Variants in LINGO2 observed in about 807,000 individuals in gnomAD.
The protein encoded by LINGO2 is leucine rich repeat and Ig domain containing 2.
A neutral mutation model predicts 30.6 loss-of-function variants in LINGO2; 14 were observed. That is an observed-to-expected ratio of 0.46 (90% CI 0.30 to 0.72). LINGO2 has a LOEUF of 0.72. Ranked by LOEUF, LINGO2 falls within the 30% of genes least tolerant of loss-of-function variation. The pLI is 0.07. For missense variants in LINGO2, 729 were observed against 751.7 expected (o/e 0.97, Z 0.35); for synonymous variants, 317 against 288.5 (o/e 1.10, Z -1.00).
chr9:28,754,472 T>C, the LINGO2 span, among the ~76,000 whole-genome samples: 19 of 152,170 alleles, frequency 1.2e-4, no homozygotes, highest in South Asian at 3.9e-3. Context: ...ATTTCTGAAG[T>C]CTCATTCAAA....
the LINGO2 span, among the ~76,000 whole-genome samples, chr9:29,205,555 GTTGGTCTCA>G: frequency 6.6e-6 from 1 of 152,000 alleles, no homozygotes; most frequent in Admixed American, 6.6e-5. Flanking sequence ...TAACTTTTAT[GTTGGTCTCA>G]TAGTTGGAAA....
the LINGO2 span, among the ~76,000 whole-genome samples, chr9:29,193,647 T>G: frequency 6.6e-6 from 1 of 152,220 alleles, no homozygotes; most frequent in African/African-American, 2.4e-5. Context: ...GGCTGGGGAC[T>G]GGGTAAGATT....
chr9:29,033,346 T>C, the LINGO2 span, among the ~76,000 whole-genome samples: 1 of 148,418 alleles, frequency 6.7e-6, no homozygotes, highest in Non-Finnish European at 1.5e-5. Flanking sequence ...GGATTGTTAT[T>C]CAAATGTGTG....
intron 1 of LINGO2, among the ~76,000 whole-genome samples, chr9:28,505,502 A>C (rs943716887): frequency 6.6e-6 from 1 of 151,966 alleles, no homozygotes; most frequent in Non-Finnish European, 1.5e-5. Flanking sequence ...TTTGTGACCG[A>C]TGATACATTG....
the LINGO2 span, among the ~76,000 whole-genome samples, chr9:29,072,633 A>G: frequency 6.7e-6 from 1 of 149,904 alleles, no homozygotes; most frequent in African/African-American, 2.4e-5. Context: ...ATATATATCA[A>G]GAGTCCTAAA....
intron 1 of LINGO2, among the ~76,000 whole-genome samples, chr9:28,487,794 T>A (rs924940293): frequency 6.6e-6 from 1 of 152,172 alleles, no homozygotes; most frequent in Non-Finnish European, 1.5e-5. Flanking sequence ...CTGCAGCCAT[T>A]AACCGAAACT....
chr9:28,111,789 T>C (rs576372962), intron 4 of LINGO2, among the ~76,000 whole-genome samples: 1 of 152,156 alleles, frequency 6.6e-6, no homozygotes, highest in African/African-American at 2.4e-5. Context: ...AACAGAGATA[T>C]ACAAGGGCTT....
intron 2 of LINGO2, among the ~76,000 whole-genome samples, chr9:28,389,201 A>C (rs1821724893): frequency 6.6e-6 from 1 of 152,172 alleles, no homozygotes; most frequent in Admixed American, 6.5e-5. Flanking sequence ...TCTAATAATA[A>C]AAATATTGAA....
chr9:27,956,284 T>A (rs1819566820), intron 5 of LINGO2, among the ~76,000 whole-genome samples: 1 of 152,186 alleles, frequency 6.6e-6, no homozygotes, highest in East Asian at 1.9e-4. Flanking sequence ...GACTATATTA[T>A]CTCTTTGCAT....
the LINGO2 span, among the ~76,000 whole-genome samples, chr9:29,153,805 A>C: frequency 6.6e-6 from 1 of 152,334 alleles, no homozygotes; most frequent in Admixed American, 6.5e-5. Flanking sequence ...TGCAAAAATA[A>C]AATAATCCAA....
the LINGO2 span, among the ~76,000 whole-genome samples, chr9:29,096,577 T>C: frequency 1.4e-5 from 2 of 140,564 alleles, 1 homozygote; most frequent in Admixed American, 1.4e-4. Context: ...TGAGCCACCA[T>C]GGCCAGCCTC....
chr9:29,126,640 G>A, the LINGO2 span, among the ~76,000 whole-genome samples: 36,538 of 151,824 alleles, frequency 0.24, 4,537 homozygotes, highest in East Asian at 0.41. Flanking sequence ...GATTTATGTA[G>A]GGCTTAATGG....
downstream of LINGO2, among the ~76,000 whole-genome samples, chr9:27,945,149 A>C (rs1823315640): frequency 1.3e-5 from 2 of 152,254 alleles, no homozygotes; most frequent in African/African-American, 4.8e-5. Context: ...ATGTCTTGAC[A>C]CAGAGATGAA....
intron 3 of LINGO2, among the ~76,000 whole-genome samples, chr9:28,362,529 G>T (rs1820491316): frequency 6.6e-6 from 1 of 151,196 alleles, no homozygotes. Flanking sequence ...GGAGTGCAAT[G>T]GCGTGATCTC....
At chr9:28,957,214 G>A in the LINGO2 span, among the ~76,000 whole-genome samples, 2 of 152,124 alleles carry the variant, frequency 1.3e-5, no homozygotes, top group African/African-American at 4.8e-5. Flanking sequence ...TGGGACGTAT[G>A]ATTATCTTAC....
At position 28,375,113 on chromosome 9, in the gene LINGO2, CACACACACACACACACACACAT is replaced by C. The variant is rs1226148586; in HGVS notation, c.-278-2267_-278-2246del. On this transcript the variant is annotated intron_variant, in intron 2 of 5. Coordinates refer to ENST00000379992, the Ensembl canonical transcript of LINGO2. ...TAACACACACACACACACACACACA[CACACACACACACACACACACAT>C]ACACCCCACACTAAGCTTCTCTCCA... is the stretch of plus-strand genomic sequence containing the variant. Among the ~76,000 whole-genome samples the C allele has an allele frequency of 9.0e-4, 49 of 54,308 alleles. No homozygotes were observed. In the East Asian group the frequency reaches 0.018, roughly 20 times the overall value. 35.6% of individuals were successfully genotyped at this position (54,308 alleles called of 152,430 possible).
chr9:28,650,899 T>G (rs190648644), intron 1 of LINGO2, among the ~76,000 whole-genome samples: 7 of 152,300 alleles, frequency 4.6e-5, no homozygotes, highest in Admixed American at 3.9e-4. Context: ...GTGATATATT[T>G]GAAAATTATG....
rs573761779 is a variant in LINGO2 at position 28,632,759 on chromosome 9, T to A, written c.-365+37441A>T. Among the ~76,000 whole-genome samples, 239 of 138,714 alleles carry A rather than the reference T, an allele frequency of 1.7e-3. 2 individuals carry two copies. The highest frequency in any genetic ancestry group is 6.3e-3 in the African/African-American group (231 of 36,762). 91.0% of individuals were successfully genotyped at this position (138,714 alleles called of 152,430 possible). ...ATATATTTATATATAGATCTATATA[T>A]ATAGATTTATATATTATATATCGAT... On this transcript the variant is annotated intron_variant, in intron 1 of 5. Coordinates refer to ENST00000379992, the Ensembl canonical transcript of LINGO2.
At chr9:29,156,931 C>T in the LINGO2 span, among the ~76,000 whole-genome samples, 57,841 of 151,730 alleles carry the variant, frequency 0.38, 11,257 homozygotes, top group Admixed American at 0.43. Flanking sequence ...CTATGATTTA[C>T]TCTAGAATGA....
Sources: gnomAD v4.1 joint callset for allele counts (sites outside exome capture counted in the v4.1 genomes callset) on GRCh38, gnomAD v4.1.1 for gene constraint, MANE v1.5 for transcripts, NCBI Gene and HGNC (gene_info 2026-07-23, HGNC 2026-07-21) for gene names.